SEC24B: variants seen among roughly 807,000 people sequenced by gnomAD.
The protein encoded by SEC24B is protein transport protein Sec24B.
Under a neutral mutation model 142.8 loss-of-function variants are expected in SEC24B, and 45 were observed. The ratio of observed to expected loss-of-function variants is 0.32; its 90% CI spans 0.25 to 0.40. SEC24B has a LOEUF of 0.40. Ranked by LOEUF, SEC24B falls within the 10% of genes least tolerant of loss-of-function variation. The probability of loss-of-function intolerance (pLI) is 1.00; values close to 1 mark genes in which losing one functional copy is unlikely to be tolerated. For synonymous variants in SEC24B, 574 were observed against 568.2 expected, an observed-to-expected ratio of 1.01 and a Z score of -0.15; for missense variants, 1,409 against 1,526.8, an observed-to-expected ratio of 0.92 and a Z score of 1.29.
Position 109,491,312 on chromosome 4 carries a change from T to C in SEC24B, c.1166-15T>C, listed in dbSNP as rs748402511. ...GTCATTTTAAACCTAGTAGATATTT[T>C]GGTTTTCCTTTTAGGTGTTGACAGC... On this transcript the variant is annotated splice_polypyrimidine_tract_variant and intron_variant, in intron 4 of 23. Transcript: ENST00000265175. 1 of 1,597,188 alleles carries C rather than the reference T, an allele frequency of 6.3e-7. No homozygotes were observed. Among genetic ancestry groups the C allele is most frequent in the African/African-American group, 1.3e-5 (1 of 74,616 alleles).
chr4:109,530,199 G>A (rs1724742469), intron 18 of SEC24B, 90 bp from the exon 19 acceptor site: 1 of 1,150,908 alleles, frequency 8.7e-7, no homozygotes, highest in African/African-American at 1.5e-5. Context: ...GCTGAATTTT[G>A]TTTCTTAAAT....
At chr4:109,461,935 C>G (rs919368606) in intron 1 of SEC24B, among the ~76,000 whole-genome samples, 4 of 152,156 alleles carry the variant, frequency 2.6e-5, no homozygotes, top group African/African-American at 9.7e-5. Flanking sequence ...CAGTGAGACC[C>G]TGTCTCTACA....
chr4:109,534,312 C>T (rs556039531), intron 22 of SEC24B, among the ~76,000 whole-genome samples: 1 of 151,694 alleles, frequency 6.6e-6, no homozygotes, highest in African/African-American at 2.4e-5. Flanking sequence ...ATGGGCCAGG[C>T]GCAGTGGCTC....
chr4:109,483,078 GTA>G (rs1295483402), intron 4 of SEC24B, among the ~76,000 whole-genome samples: 1 of 102,416 alleles, frequency 9.8e-6, no homozygotes. Flanking sequence ...ATATATGTAT[GTA>G]TATATATATA....
intron 1 of SEC24B, among the ~76,000 whole-genome samples, chr4:109,448,302 A>T (rs1411056432): frequency 2.0e-5 from 3 of 152,106 alleles, no homozygotes; most frequent in Non-Finnish European, 4.4e-5. Flanking sequence ...CCAGGGAGTA[A>T]CAATATCAGA....
rs1214137451 is a variant in SEC24B at position 109,538,590 on chromosome 4, T to C, written c.3686T>C (p.Ile1229Thr). ...DSRPLSPILH[I>T]VKDESPAKAE... ...AGACCATTAAGTCCAATCCTTCACA[T>C]AGTAAAGTAAGTACTTTTGTAACTT... Residue 1229 changes from isoleucine to threonine, a missense_variant, in exon 23 of 24, where the codon ATA (isoleucine) becomes ACA (threonine). Physicochemically the swap from Ile to Thr is moderately conservative, Grantham distance 89. Transcript: ENST00000265175. 1 of 1,577,354 alleles carries C rather than the reference T, an allele frequency of 6.3e-7. No individual in the cohort carries two copies. Among genetic ancestry groups the C allele is most frequent in the Admixed American group, 1.7e-5 (1 of 59,964 alleles).
intron 1 of SEC24B, among the ~76,000 whole-genome samples, chr4:109,461,687 T>C (rs1286335944): frequency 1.3e-5 from 2 of 152,236 alleles, no homozygotes; most frequent in Non-Finnish European, 1.5e-5. Flanking sequence ...AAGCATTAAC[T>C]GTAACTATAT....
At chr4:109,531,161 A>G (rs1724890182) in intron 19 of SEC24B, among the ~76,000 whole-genome samples, 1 of 152,126 alleles carries the variant, frequency 6.6e-6, no homozygotes, top group African/African-American at 2.4e-5. Context: ...CAACCTAAAG[A>G]GGTATTATTT....
intron 1 of SEC24B, among the ~76,000 whole-genome samples, chr4:109,453,628 A>G (rs1273287013): frequency 6.6e-6 from 1 of 152,048 alleles, no homozygotes; most frequent in Non-Finnish European, 1.5e-5. Context: ...CCTGTTCTTA[A>G]GGTGCCCAGA....
chr4:109,494,122 TTGTG>T (rs1578892092), intron 5 of SEC24B, among the ~76,000 whole-genome samples: 1 of 152,102 alleles, frequency 6.6e-6, no homozygotes, highest in Admixed American at 6.6e-5. Context: ...TTTATTAACT[TTGTG>T]TGTGCGTTTG....
intron 2 of SEC24B, among the ~76,000 whole-genome samples, chr4:109,468,443 C>A (rs1266736058): frequency 1.3e-5 from 2 of 152,166 alleles, no homozygotes; most frequent in Non-Finnish European, 2.9e-5. Flanking sequence ...GAGTATCAGC[C>A]TCAATTTCTG....
Position 109,513,769 on chromosome 4 carries a change from C to A in SEC24B, c.1926C>A (p.Asn642Lys). The A allele has an allele frequency of 6.2e-7, 1 of 1,611,596 alleles. No individual in the cohort carries two copies. The highest frequency in any genetic ancestry group is 1.1e-5 in the South Asian group (1 of 91,022). Residue 642 changes from asparagine to lysine, a missense_variant, in exon 10 of 24, where the codon AAC becomes AAA. This residue lies in a region of SEC24B where 700 missense variants were observed against 853.3 expected (regional missense o/e 0.82). Transcript: ENST00000265175. ...VNDVPEEFMY[N>K]PLTRSYGEPH... Reference sequence around the variant, plus strand: ...TAGTTCCTGAAGAATTTATGTATAACCCCCTTACCCGATCTTATGGAGAGC... The same window carrying A: ...TAGTTCCTGAAGAATTTATGTATAAACCCCTTACCCGATCTTATGGAGAGC...
At chr4:109,443,203 A>G (rs1162429952) in intron 1 of SEC24B, among the ~76,000 whole-genome samples, 3 of 152,172 alleles carry the variant, frequency 2.0e-5, no homozygotes, top group Non-Finnish European at 4.4e-5. Flanking sequence ...CTGAAGATAA[A>G]GTATTAATCT....
At position 109,433,858 on chromosome 4, in the gene SEC24B, A is replaced by G; in HGVS notation, c.-12A>G. 3 of 1,317,982 alleles carry G rather than the reference A, an allele frequency of 2.3e-6. No homozygotes were observed. The highest frequency in any genetic ancestry group is 1.9e-5 in the South Asian group (1 of 52,480). The allele number at this position is 1,317,982 out of a possible 1,614,324, so 81.6% of individuals were successfully genotyped here. A position where few individuals can be genotyped will look rare whatever the true frequency, so the allele number is the denominator to read the frequency against. ...TCCCTGAAGCGGAGCCGCCGTCGCCACCAGCGCCGTCATGTCGGCCCCCGC... is the reference window on the plus strand; with the variant it reads ...TCCCTGAAGCGGAGCCGCCGTCGCCGCCAGCGCCGTCATGTCGGCCCCCGC... On this transcript the variant is annotated 5_prime_UTR_variant, in exon 1 of 24. Coordinates refer to ENST00000265175, the MANE Select transcript of SEC24B (RefSeq NM_006323.5).
intron 22 of SEC24B, among the ~76,000 whole-genome samples, chr4:109,534,729 G>A (rs570961377): frequency 1.3e-5 from 2 of 152,080 alleles, no homozygotes; most frequent in African/African-American, 4.8e-5. Flanking sequence ...AAACTCTTAC[G>A]ATTATCTGTA....
chr4:109,440,381 T>G (rs2125891691), intron 1 of SEC24B, among the ~76,000 whole-genome samples: 1 of 152,308 alleles, frequency 6.6e-6, no homozygotes, highest in South Asian at 2.1e-4. Flanking sequence ...ATGCTAAAGG[T>G]ATTAGAATAA....
At position 109,481,654 on chromosome 4, in the gene SEC24B, T is replaced by C. The variant is rs142649961; in HGVS notation, c.1061-23T>C. The C allele has an allele frequency of 5.0e-3, 7,787 of 1,548,442 alleles. 35 individuals carry two copies. Among genetic ancestry groups the C allele is most frequent in the Middle Eastern group, 9.4e-3 (55 of 5,846 alleles). ...ATCTTTCCTGTTGGTTTGACTCTTA[T>C]GTTTGTGCTTTCCACTTTACAGGCG... On this transcript the variant is annotated intron_variant, in intron 3 of 23. Transcript: ENST00000265175.
intron 2 of SEC24B, among the ~76,000 whole-genome samples, chr4:109,464,445 A>G (rs6840561): frequency 0.12 from 17,972 of 152,022 alleles, 3,529 homozygotes; most frequent in African/African-American, 0.41. Context: ...CACCACACCC[A>G]GCTAATTTTG....
intron 1 of SEC24B, among the ~76,000 whole-genome samples, chr4:109,438,384 G>A (rs1009803750): frequency 6.6e-6 from 1 of 152,120 alleles, no homozygotes; most frequent in East Asian, 1.9e-4. Flanking sequence ...TGCCATCATA[G>A]CTCACTGCAG....
Sources: gnomAD v4.1 joint callset for allele counts (sites outside exome capture counted in the v4.1 genomes callset) on GRCh38, gnomAD v4.1.1 for gene constraint, gnomAD v4.1.1 regional missense constraint, MANE v1.5 for transcripts, NCBI Gene and HGNC (gene_info 2026-07-23, HGNC 2026-07-21) for gene names.